Variants in ST14 observed in about 807,000 individuals in gnomAD.
ST14 encodes ST14 transmembrane serine protease matriptase, also known as suppressor of tumorigenicity 14 protein.
Under a neutral mutation model 96.5 loss-of-function variants are expected in ST14, and 40 were observed. The observed-to-expected ratio is 0.41, with a 90% CI of 0.32 to 0.54. The LOEUF is 0.54. Ranked by LOEUF, ST14 falls within the 20% of genes least tolerant of loss-of-function variation. The pLI, the probability that ST14 is intolerant of heterozygous loss-of-function variation, is 0.17. For synonymous variants in ST14, 506 were observed against 492.1 expected, an observed-to-expected ratio of 1.03 and a Z score of -0.37; for missense variants, 1,066 against 1,188.9, an observed-to-expected ratio of 0.90 and a Z score of 1.52.
intron 4 of ST14, chr11:130,189,304 T>C (rs1385917761): frequency 2.2e-6 from 1 of 453,662 alleles, no homozygotes; most frequent in East Asian, 4.2e-5. Flanking sequence ...TTTTCACGCA[T>C]ACTTTTGTAA....
intron 1 of ST14, among the ~76,000 whole-genome samples, chr11:130,176,378 T>TTTTTCTTTTTC (rs1176611223): frequency 2.0e-5 from 3 of 152,060 alleles, no homozygotes; most frequent in Non-Finnish European, 4.4e-5. Context: ...TCCTTTTTTT[T>TTTTTCTTTTTC]TTTTCTTTTT....
intron 1 of ST14, among the ~76,000 whole-genome samples, chr11:130,165,276 T>G (rs373237971): frequency 6.6e-6 from 1 of 152,314 alleles, no homozygotes; most frequent in East Asian, 1.9e-4. Context: ...AGAAACTGGA[T>G]TTCTCTTCTC....
chr11:130,165,740 A>G (rs1485016617), intron 1 of ST14, among the ~76,000 whole-genome samples: 1 of 152,168 alleles, frequency 6.6e-6, no homozygotes, highest in Non-Finnish European at 1.5e-5. Flanking sequence ...CTGCACTTCA[A>G]TTCCTGACCT....
rs1953172835 is a variant in ST14, at chr11:130,179,643, G to T, written c.82-8471G>T. 2.6e-5 allele frequency among the ~76,000 whole-genome samples: 4 copies of T among 152,302 alleles called. No homozygotes were observed. The South Asian group carries it at 8.3e-4, about 32-fold the overall frequency. ...ATTTAACTGGGGAGGGCCTGTCTATGTGGGGTCCCTCCTAGCCGGAGACAG... is the reference window on the plus strand; with the variant it reads ...ATTTAACTGGGGAGGGCCTGTCTATTTGGGGTCCCTCCTAGCCGGAGACAG... On this transcript the variant is annotated intron_variant, in intron 1 of 18. Coordinates refer to ENST00000278742, the MANE Select transcript of ST14 (RefSeq NM_021978.4).
intron 12 of ST14, 123 bp downstream of exon 12, chr11:130,198,068 C>T (rs945382388): frequency 3.7e-6 from 4 of 1,075,824 alleles, no homozygotes; most frequent in Middle Eastern, 2.5e-4. Context: ...TTGCTCTCGG[C>T]CCTGTGTAGA....
In ST14 at chr11:130,189,046, G is replaced by A. The variant is rs913550881; in HGVS notation, c.440+107G>A. The stretch of plus-strand genomic sequence containing the variant: ...GCGGGAGATGGTGCTGGAGGTCCTG[G>A]CCTGGAGAGCCAAGGAGGGTCCTCG... On this transcript the variant is annotated intron_variant, in intron 4 of 18. Coordinates refer to ENST00000278742, the MANE Select transcript of ST14 (RefSeq NM_021978.4). 1.9e-5 allele frequency: 24 copies of A among 1,242,370 alleles called. No homozygotes were observed. In the African/African-American group the frequency reaches 3.0e-4, roughly 15 times the overall value. 77.0% of individuals were successfully genotyped at this position (1,242,370 alleles called of 1,614,324 possible).
rs762185835 is a variant in ST14 at position 130,190,137 on chromosome 11, G to A, written c.623G>A (p.Arg208Lys). 1.2e-6 allele frequency: 2 copies of A among 1,614,212 alleles called. No homozygotes were observed. Among genetic ancestry groups the A allele is most frequent in the Admixed American group, 1.7e-5 (1 of 60,032 alleles). Residue 208 changes from arginine (R) to lysine (K), a missense_variant, in exon 6 of 19, where the codon AGG (arginine) becomes AAG (lysine). Arg to Lys is a conservative substitution (Grantham distance 26). Coordinates refer to ENST00000278742, the MANE Select transcript of ST14 (RefSeq NM_021978.4). ...AFPTDSKTVQ[R>K]TQDNSCSFGL... ...GCCACGGACTCCAAAACAGTACAGA[G>A]GACCCAGGACAGTAAGTATCGTGCC...
Position 130,190,438 on chromosome 11 carries a change from C to G in ST14, c.635-16C>G. ...CCCTGCCCCCACACGTGCCCTCCTTCTTGTCTCCTGCGCAGACAGCTGCAG... is the reference window on the plus strand; with the variant it reads ...CCCTGCCCCCACACGTGCCCTCCTTGTTGTCTCCTGCGCAGACAGCTGCAG... On this transcript the variant is annotated splice_polypyrimidine_tract_variant and intron_variant, in intron 6 of 18. Transcript: ENST00000278742. 6.2e-7 allele frequency: 1 copy of G among 1,605,418 alleles called. No individual in the cohort carries two copies. Among genetic ancestry groups the G allele is most frequent in the Non-Finnish European group, 8.5e-7 (1 of 1,179,896 alleles).
Position 130,188,533 on chromosome 11 carries a change from G to T in ST14, c.245G>T (p.Arg82Leu), listed in dbSNP as rs200715343. The change falls in exon 3 of 19, where the codon CGG (arginine) becomes CTG (leucine). Residue 82 changes from arginine (R) to leucine (L), a missense_variant. Arg to Leu is a moderately radical substitution (Grantham distance 102, BLOSUM62 -2). Coordinates refer to ENST00000278742, the MANE Select transcript of ST14 (RefSeq NM_021978.4). This position sits in a 1 kb window ranked among gnomAD's most constrained non-coding sequence, Gnocchi z 5.4. ...IGFLVWHLQY[R>L]DVRVQKVFNG... ...AGCGCCTTCTGGTCTCACACAGACC[G>T]GGACGTGCGTGTCCAGAAGGTCTTC... 2.1e-4 allele frequency: 335 copies of T among 1,613,776 alleles called. No homozygotes were observed. The highest frequency in any genetic ancestry group is 5.3e-5 in the African/African-American group (4 of 74,944).
chr11:130,209,674 G>A lies in ST14; in HGVS notation c.2419G>A (p.Gly807Arg). Residue 807 changes from glycine to arginine, a missense_variant, in exon 19 of 19, where the codon GGA becomes AGA. Coordinates refer to ENST00000278742, the MANE Select transcript of ST14 (RefSeq NM_021978.4). Reference sequence around the variant, plus strand: ...TGTCTCCGCCCAGGGTGATTCCGGGGGACCCCTGTCCAGCGTGGAGGCGGA... The same window carrying A: ...TGTCTCCGCCCAGGGTGATTCCGGGAGACCCCTGTCCAGCGTGGAGGCGGA... ...GVDSCQGDSGGPLSSVEADGR... is the reference protein window; with the variant it reads ...GVDSCQGDSGRPLSSVEADGR... The A allele has an allele frequency of 1.2e-6, 2 of 1,612,668 alleles. No homozygotes were observed. The highest frequency in any genetic ancestry group is 8.5e-7 in the Non-Finnish European group (1 of 1,179,558).
At chr11:130,182,743 A>G (rs375484475) in intron 1 of ST14, among the ~76,000 whole-genome samples, 139 of 149,366 alleles carry the variant, frequency 9.3e-4, no homozygotes, top group African/African-American at 3.3e-3. Context: ...TCCGCCTCCC[A>G]GGTTCAAGCA....
chr11:130,198,441 C>T, intron 13 of ST14, 23 bp downstream of exon 13: 1 of 1,612,520 alleles, frequency 6.2e-7, no homozygotes, highest in Non-Finnish European at 8.5e-7. Context: ...GAGGGGCTGC[C>T]TGGGCGGGCA....
Position 130,160,139 on chromosome 11 carries a change from G to T in ST14, c.81+79G>T, listed in dbSNP as rs1230581031. 7.7e-6 allele frequency: 8 copies of T among 1,036,304 alleles called. No individual in the cohort carries two copies. In the South Asian group the frequency reaches 2.2e-4, roughly 29 times the overall value. 64.2% of individuals were successfully genotyped at this position (1,036,304 alleles called of 1,614,324 possible). On this transcript the variant is annotated intron_variant, in intron 1 of 18. Coordinates refer to ENST00000278742, the MANE Select transcript of ST14 (RefSeq NM_021978.4). ...TGCAGCGCGGCGCTGGGCTCGGCCG[G>T]CTCCCCTGGCGTGTCCGTCGGTGGC...
At chr11:130,194,913 T>C (rs1237957193) in intron 9 of ST14, among the ~76,000 whole-genome samples, 176 bp downstream of exon 9, 5 of 151,490 alleles carry the variant, frequency 3.3e-5, no homozygotes, top group Non-Finnish European at 7.4e-5. Context: ...GGATGGCAAA[T>C]GAGGAAGACA....
At chr11:130,185,223 A>G (rs940500537) in intron 1 of ST14, among the ~76,000 whole-genome samples, 13 of 152,254 alleles carry the variant, frequency 8.5e-5, no homozygotes, top group Non-Finnish European at 1.8e-4. Flanking sequence ...TCAAAGAAAC[A>G]GAAAGCTCTT....
rs75753828 is a variant in ST14, at chr11:130,200,298, T to C, written c.1994+161T>C. Among the ~76,000 whole-genome samples the C allele has an allele frequency of 5.1e-3, 780 of 152,330 alleles. 10 individuals are homozygous for C. The highest frequency in any genetic ancestry group is 0.018 in the African/African-American group (753 of 41,572). ...AAGAAATACCTGAGACTGGGTCATTTATAAAGAAAAGAGTTTATTTGGCCC... is the reference window on the plus strand; with the variant it reads ...AAGAAATACCTGAGACTGGGTCATTCATAAAGAAAAGAGTTTATTTGGCCC... On this transcript the variant is annotated intron_variant, in intron 16 of 18. Coordinates refer to ENST00000278742, the MANE Select transcript of ST14 (RefSeq NM_021978.4).
intron 1 of ST14, among the ~76,000 whole-genome samples, chr11:130,180,531 C>T (rs1434585555): frequency 1.3e-5 from 2 of 152,222 alleles, no homozygotes; most frequent in Admixed American, 1.3e-4. Flanking sequence ...GATAACCATG[C>T]TCTGAGCAGC....
At chr11:130,190,203 G>C (rs1953282793) in intron 6 of ST14, 55 bp downstream of exon 6, 2 of 1,611,446 alleles carry the variant, frequency 1.2e-6, no homozygotes, top group East Asian at 4.5e-5. Context: ...GATGTGGCCA[G>C]ATGCCCTTGA....
rs1952984914 is a variant in ST14, at chr11:130,159,861, C to A, written c.-119C>A. 1.0e-5 allele frequency: 4 copies of A among 394,528 alleles called. No homozygotes were observed. In the South Asian group the frequency reaches 3.6e-4, roughly 36 times the overall value. The allele number at this position is 394,528 out of a possible 1,614,324, so 24.4% of individuals were successfully genotyped here. A position where few individuals can be genotyped will look rare whatever the true frequency, so the allele number is the denominator to read the frequency against. On this transcript the variant is annotated 5_prime_UTR_variant, in exon 1 of 19. Coordinates refer to ENST00000278742, the MANE Select transcript of ST14 (RefSeq NM_021978.4). ...GGCGAGGGCACCGCCGCCGGTCGGG[C>A]GCGCTGGGCCTGCCCGGAATCCCGC...
Sources: gnomAD v4.1 joint callset for allele counts (sites outside exome capture counted in the v4.1 genomes callset) on GRCh38, gnomAD v4.1.1 for gene constraint, Gnocchi (gnomAD v3.1) non-coding constraint, MANE v1.5 for transcripts, NCBI Gene and HGNC (gene_info 2026-07-23, HGNC 2026-07-21) for gene names.